Variants in LIN28B observed in about 807,000 individuals in gnomAD.
LIN28B encodes lin-28 RNA binding posttranscriptional regulator B, also known as protein lin-28 homolog B.
A neutral mutation model predicts 21.9 loss-of-function variants in LIN28B; 5 were observed. That is an observed-to-expected ratio of 0.23 (90% confidence interval 0.12 to 0.48). LIN28B has a LOEUF of 0.48. Ranked by LOEUF, LIN28B falls within the 20% of genes least tolerant of loss-of-function variation. The pLI is 0.98. For missense variants in LIN28B, 245 were observed against 310.5 expected (o/e 0.79, Z 1.58); for synonymous variants, 109 against 111.3 (o/e 0.98, Z 0.13).
chr6:105,067,128 G>A (rs1458906937), intron 3 of LIN28B, among the ~76,000 whole-genome samples: 1 of 152,158 alleles, frequency 6.6e-6, no homozygotes, highest in Non-Finnish European at 1.5e-5. Context: ...TTTCCAGACT[G>A]CATATTATAA....
chr6:104,962,146 T>C (rs1005307996), intron 2 of LIN28B, among the ~76,000 whole-genome samples: 1 of 152,146 alleles, frequency 6.6e-6, no homozygotes, highest in African/African-American at 2.4e-5. Flanking sequence ...TAATAATACT[T>C]CACATATTGG....
intron 2 of LIN28B, among the ~76,000 whole-genome samples, chr6:105,014,623 T>TA (rs1437112237): frequency 6.6e-6 from 1 of 152,112 alleles, no homozygotes; most frequent in African/African-American, 2.4e-5. Flanking sequence ...CACCTGGCCT[T>TA]AAATTTCTTT....
intron 3 of LIN28B, among the ~76,000 whole-genome samples, chr6:105,031,805 T>C (rs1283076542): frequency 6.6e-6 from 1 of 152,042 alleles, no homozygotes; most frequent in Admixed American, 6.6e-5. Context: ...AAAGTGAAAA[T>C]TGAATTTTTT....
intron 2 of LIN28B, among the ~76,000 whole-genome samples, chr6:105,013,331 AT>A (rs577799880): frequency 2.7e-5 from 4 of 148,598 alleles, no homozygotes; most frequent in Non-Finnish European, 4.5e-5. Flanking sequence ...TTTAATTCCC[AT>A]TTTTTTTTGA....
chr6:105,065,987 C>T (rs566478067), intron 3 of LIN28B, among the ~76,000 whole-genome samples: 1 of 152,266 alleles, frequency 6.6e-6, no homozygotes, highest in African/African-American at 2.4e-5. Flanking sequence ...GCCTAGGCAA[C>T]ATAGTGAGAC....
chr6:105,082,356 A>T lies in LIN28B; in HGVS notation c.*3573A>T, dbSNP rs1208571403. On this transcript the variant is annotated 3_prime_UTR_variant, in exon 4 of 4. Transcript: ENST00000345080. ...GCGGCCCCAAGTTACTGCTGGTTGT[A>T]TTTAGTTTGTGAATAGGAGCCCATA... 6.6e-6 allele frequency: 1 copy of T among 152,560 alleles called. No homozygotes were observed. Among genetic ancestry groups the T allele is most frequent in the Non-Finnish European group, 1.5e-5 (1 of 68,040 alleles). The allele number at this position is 152,560 out of a possible 1,614,324, so 9.5% of individuals were successfully genotyped here.
intron 3 of LIN28B, among the ~76,000 whole-genome samples, chr6:105,040,968 G>A (rs779875306): frequency 8.6e-5 from 13 of 152,038 alleles, no homozygotes; most frequent in African/African-American, 1.7e-4. Flanking sequence ...CTGGAGCACA[G>A]TGGTAGAATC....
chr6:105,060,789 A>G (rs1772110319), intron 3 of LIN28B, among the ~76,000 whole-genome samples: 2 of 152,222 alleles, frequency 1.3e-5, no homozygotes, highest in South Asian at 2.1e-4. Context: ...ATTGGAAGAG[A>G]TTTGGAAACT....
chr6:104,943,347 T>C (rs992415952), intron 2 of LIN28B, among the ~76,000 whole-genome samples: 2 of 152,128 alleles, frequency 1.3e-5, no homozygotes, highest in African/African-American at 4.8e-5. Context: ...TTACAAATCA[T>C]GATTAAAGGA....
In LIN28B at chr6:105,066,001, G is replaced by A. The variant is rs118178856; in HGVS notation, c.384-12413G>A. On this transcript the variant is annotated intron_variant, in intron 3 of 3. Coordinates refer to ENST00000345080, the MANE Select transcript of LIN28B (RefSeq NM_001004317.4). ...AGCCTAGGCAACATAGTGAGACCTC[G>A]TCTCCACTAAAAATACAAAAATTAG... Among the ~76,000 whole-genome samples, 859 of 152,122 alleles carry A rather than the reference G, an allele frequency of 5.6e-3. 2 individuals carry two copies. The highest frequency in any genetic ancestry group is 8.9e-3 in the Non-Finnish European group (602 of 68,004).
chr6:105,054,692 T>C (rs904715384), intron 3 of LIN28B, among the ~76,000 whole-genome samples: 2 of 152,230 alleles, frequency 1.3e-5, no homozygotes, highest in African/African-American at 2.4e-5. Flanking sequence ...CTAGGAGCTC[T>C]GAGGAATGGA....
rs776865122 is a variant in LIN28B, at chr6:105,080,602, T to G, written c.*1819T>G. ...ATATCGGTGTGCTGTGATGCAAAGC[T>G]TACCTTTGACGATATTGAATGTGAT... On this transcript the variant is annotated 3_prime_UTR_variant, in exon 4 of 4. Coordinates refer to ENST00000345080, the MANE Select transcript of LIN28B (RefSeq NM_001004317.4). 6.6e-6 allele frequency: 1 copy of G among 152,654 alleles called. No individual in the cohort carries two copies. The highest frequency in any genetic ancestry group is 1.5e-5 in the Non-Finnish European group (1 of 68,050). 9.5% of individuals were successfully genotyped at this position (152,654 alleles called of 1,614,324 possible).
At chr6:105,024,208 T>C (rs1344539595) in intron 2 of LIN28B, among the ~76,000 whole-genome samples, 1 of 152,132 alleles carries the variant, frequency 6.6e-6, no homozygotes, top group Non-Finnish European at 1.5e-5. Context: ...GCCAGGCTGG[T>C]CTTGAACTCC....
intron 2 of LIN28B, among the ~76,000 whole-genome samples, chr6:105,013,243 T>C (rs1770959510): frequency 6.6e-6 from 1 of 151,948 alleles, no homozygotes; most frequent in Non-Finnish European, 1.5e-5. Context: ...ACTCCTGAAC[T>C]CAGGTGATCC....
chr6:104,999,657 C>T (rs1231741848), intron 2 of LIN28B, among the ~76,000 whole-genome samples: 1 of 152,010 alleles, frequency 6.6e-6, no homozygotes, highest in Non-Finnish European at 1.5e-5. Flanking sequence ...GTTTGTTTTA[C>T]CCTGTCTTAT....
At chr6:104,975,361 T>C (rs1770068741) in intron 2 of LIN28B, among the ~76,000 whole-genome samples, 1 of 152,194 alleles carries the variant, frequency 6.6e-6, no homozygotes, top group Admixed American at 6.5e-5. Flanking sequence ...AGTTATTTTA[T>C]AGTTTTATAC....
At chr6:105,002,087 G>T (rs1770731182) in intron 2 of LIN28B, among the ~76,000 whole-genome samples, 1 of 151,716 alleles carries the variant, frequency 6.6e-6, no homozygotes, top group Non-Finnish European at 1.5e-5. Flanking sequence ...TGTTTTTTAT[G>T]CCTGGAAAGA....
chr6:105,014,353 C>T (rs1247557867), intron 2 of LIN28B, among the ~76,000 whole-genome samples: 2 of 152,126 alleles, frequency 1.3e-5, no homozygotes, highest in African/African-American at 4.8e-5. Context: ...GAGTTTCACT[C>T]TTATTGCCCA....
In LIN28B at chr6:104,970,110, C is replaced by T. The variant is rs151055008; in HGVS notation, c.198+11824C>T. Among the ~76,000 whole-genome samples, 4 of 152,202 alleles carry T rather than the reference C, an allele frequency of 2.6e-5. No homozygotes were observed. The East Asian group carries it at 7.7e-4, about 29-fold the overall frequency. ...TTAGGTGATTTTACCTCAGTAAAAG[C>T]TTCAATATTGTTTATATACTGAATT... is the stretch of plus-strand genomic sequence containing the variant. On this transcript the variant is annotated intron_variant, in intron 2 of 3. Coordinates refer to ENST00000345080, the MANE Select transcript of LIN28B (RefSeq NM_001004317.4).
Sources: allele counts gnomAD v4.1 joint callset (sites outside exome capture counted in the v4.1 genomes callset), GRCh38; gene constraint gnomAD v4.1.1; transcripts MANE v1.5; gene names NCBI Gene and HGNC (gene_info 2026-07-23, HGNC 2026-07-21).